The following MAML3 variants were observed in gnomAD, a reference collection of about 807,000 sequenced individuals.
The protein encoded by MAML3 is mastermind like transcriptional coactivator 3.
MAML3 carries 27 observed loss-of-function variants against 101.9 expected under a neutral mutation model. That is an observed-to-expected ratio of 0.27 (90% CI 0.20 to 0.37). The LOEUF (loss-of-function observed/expected upper bound fraction) is 0.37. Among genes scored for constraint, MAML3 ranks in the 10% least tolerant of loss-of-function variants. MAML3 has a pLI of 1.00. For missense variants in MAML3, 1,316 were observed against 1,444.9 expected (o/e 0.91, Z 1.45); for synonymous variants, 501 against 555.9 (o/e 0.90, Z 1.39).
At chr4:139,968,966 A>T (rs887445369) in intron 1 of MAML3, among the ~76,000 whole-genome samples, 1 of 151,978 alleles carries the variant, frequency 6.6e-6, no homozygotes, top group African/African-American at 2.4e-5. Context: ...AAGTGACTAT[A>T]GCCAGACCTG....
chr4:140,074,927 TC>T (rs1727743028), intron 1 of MAML3, among the ~76,000 whole-genome samples: 1 of 152,194 alleles, frequency 6.6e-6, no homozygotes, highest in Admixed American at 6.5e-5. Flanking sequence ...TAAATGAATT[TC>T]GTGTTTAGAA....
intron 4 of MAML3, among the ~76,000 whole-genome samples, chr4:139,721,582 G>A (rs1029956549): frequency 1.3e-5 from 2 of 152,090 alleles, no homozygotes; most frequent in Non-Finnish European, 2.9e-5. Flanking sequence ...TGTGGCTATT[G>A]ATTTCTGGGC....
chr4:140,139,470 T>C (rs1245299793), intron 1 of MAML3, among the ~76,000 whole-genome samples: 2 of 151,922 alleles, frequency 1.3e-5, no homozygotes, highest in Non-Finnish European at 2.9e-5. Flanking sequence ...GGCAGGAGGA[T>C]AGTTTAAAAC....
At position 139,719,698 on chromosome 4, in the gene MAML3, G is replaced by A; in HGVS notation, c.3042C>T (p.Asn1014=). ...GGTTGAGGGTCCTCACTGTGCCCGTGTTAGCATCCACGACTGACTGGCTCA... is the reference window on the plus strand; with the variant it reads ...GGTTGAGGGTCCTCACTGTGCCCGTATTAGCATCCACGACTGACTGGCTCA... ...QGLSQSVVDA[N]TGTVRTLNPA... The change falls in exon 5 of 5, where the codon AAC becomes AAT. Residue 1014 remains asparagine, a synonymous_variant. Coordinates refer to ENST00000509479, the MANE Select transcript of MAML3 (RefSeq NM_018717.5). 6.2e-7 allele frequency: 1 copy of A among 1,613,596 alleles called. No individual in the cohort carries two copies. Among genetic ancestry groups the A allele is most frequent in the Non-Finnish European group, 8.5e-7 (1 of 1,179,778 alleles).
At chr4:140,091,537 C>CAAAAAAAAAAAAAAAAAAA (rs570700966) in intron 1 of MAML3, among the ~76,000 whole-genome samples, 16 of 71,594 alleles carry the variant, frequency 2.2e-4, no homozygotes, top group South Asian at 7.2e-4. Flanking sequence ...AACAACAAAA[C>CAAAAAAAAAAAAAAAAAAA]AAAAACAAAA....
At chr4:140,109,608 TA>T (rs956344097) in intron 1 of MAML3, among the ~76,000 whole-genome samples, 2 of 152,188 alleles carry the variant, frequency 1.3e-5, no homozygotes, top group African/African-American at 4.8e-5. Context: ...ATCTTATTAA[TA>T]AAAAGTAACT....
chr4:139,856,321 G>A (rs1332674383), intron 2 of MAML3, among the ~76,000 whole-genome samples: 6 of 152,184 alleles, frequency 3.9e-5, no homozygotes, highest in African/African-American at 9.7e-5. Context: ...TTACGAAGTC[G>A]AATTCAAATG....
intron 2 of MAML3, among the ~76,000 whole-genome samples, chr4:139,848,731 G>A (rs1054357115): frequency 1.3e-5 from 2 of 152,134 alleles, no homozygotes; most frequent in Admixed American, 6.6e-5. Context: ...AGTAAGTTTT[G>A]TCTAAGTTTT....
chr4:139,946,350 G>A (rs1372002134), intron 1 of MAML3, among the ~76,000 whole-genome samples: 1 of 152,136 alleles, frequency 6.6e-6, no homozygotes, highest in Non-Finnish European at 1.5e-5. Context: ...GTGGGCTTGA[G>A]CAAATTTTCA....
chr4:140,004,597 C>T (rs1448732576), intron 1 of MAML3, among the ~76,000 whole-genome samples: 2 of 152,156 alleles, frequency 1.3e-5, no homozygotes, highest in African/African-American at 2.4e-5. Flanking sequence ...TGAACAGTGG[C>T]TTAGTGCAAC....
chr4:140,045,259 G>A, intron 1 of MAML3, among the ~76,000 whole-genome samples: 1 of 152,098 alleles, frequency 6.6e-6, no homozygotes, highest in East Asian at 1.9e-4. Flanking sequence ...GATGGGCATG[G>A]TGGCAGGTGC....
intron 2 of MAML3, among the ~76,000 whole-genome samples, chr4:139,766,199 TCTCA>T (rs1199745369): frequency 6.7e-6 from 1 of 150,170 alleles, no homozygotes; most frequent in Non-Finnish European, 1.5e-5. Context: ...GGGGATGGAG[TCTCA>T]CTCTGTCACC....
At chr4:140,120,034 G>A (rs1040197073) in intron 1 of MAML3, among the ~76,000 whole-genome samples, 2 of 151,804 alleles carry the variant, frequency 1.3e-5, no homozygotes, top group East Asian at 1.9e-4. Context: ...TCAGGAGATC[G>A]AGACCATCCT....
intron 1 of MAML3, among the ~76,000 whole-genome samples, chr4:139,928,736 A>G (rs1251524360): frequency 6.6e-6 from 1 of 152,160 alleles, no homozygotes; most frequent in Non-Finnish European, 1.5e-5. Context: ...CCGGAGCTCC[A>G]TGAACTGCTG....
chr4:139,943,864 C>CCTTTTTTTTTTTTTTTTTTTT (rs1733652525), intron 1 of MAML3, among the ~76,000 whole-genome samples: 7 of 65,824 alleles, frequency 1.1e-4, no homozygotes, highest in Admixed American at 2.0e-4. Context: ...CTAAAGACAA[C>CCTTTTTTTTTTTTTTTTTTTT]TTTTTTTTTT....
At chr4:139,963,412 G>A (rs147052502) in intron 1 of MAML3, among the ~76,000 whole-genome samples, 1 of 152,322 alleles carries the variant, frequency 6.6e-6, no homozygotes, top group Admixed American at 6.5e-5. Flanking sequence ...ACAGACCATA[G>A]TTTGAGTAGC....
At chr4:139,869,382 T>C (rs200984368) in intron 2 of MAML3, among the ~76,000 whole-genome samples, 2 of 8,726 alleles carry the variant, frequency 2.3e-4, no homozygotes, top group Non-Finnish European at 5.4e-4. Flanking sequence ...AAAATTTTTG[T>C]TTTTAATATG....
rs1183624966 is a variant in MAML3 at position 139,992,616 on chromosome 4, C to T, written c.469-101649G>A. 1.3e-5 allele frequency among the ~76,000 whole-genome samples: 2 copies of T among 152,148 alleles called. 1 individual carries two copies. Among genetic ancestry groups the T allele is most frequent in the Non-Finnish European group, 2.9e-5 (2 of 68,030 alleles). ...TCTCAGCTCACTGCAACCTCTGCCT[C>T]CTGGGTTCAAGTGATCCTTCTGCCT... is the stretch of plus-strand genomic sequence containing the variant. On this transcript the variant is annotated intron_variant, in intron 1 of 4. Coordinates refer to ENST00000509479, the MANE Select transcript of MAML3 (RefSeq NM_018717.5).
At chr4:139,852,495 C>T (rs970721591) in intron 2 of MAML3, among the ~76,000 whole-genome samples, 12 of 147,498 alleles carry the variant, frequency 8.1e-5, no homozygotes, top group African/African-American at 3.0e-4. Context: ...TCACTGCAAC[C>T]TCTGCTTCCC....
Sources: allele counts gnomAD v4.1 joint callset (sites outside exome capture counted in the v4.1 genomes callset), GRCh38; gene constraint gnomAD v4.1.1; transcripts MANE v1.5; gene names NCBI Gene and HGNC (gene_info 2026-07-23, HGNC 2026-07-21).